ANK2: variants seen among roughly 807,000 people sequenced by gnomAD.
The protein encoded by ANK2 is ankyrin 2.
ANK2 carries 83 observed loss-of-function variants against 360.5 expected under a neutral mutation model. That is an observed-to-expected ratio of 0.23 (90% confidence interval 0.19 to 0.28). The LOEUF is 0.28. Among genes scored for constraint, ANK2 ranks in the 10% least tolerant of loss-of-function variants. ANK2 has a pLI of 1.00. For missense variants in ANK2, 4,201 were observed against 4,795.7 expected, an observed-to-expected ratio of 0.88 and a Z score of 3.66; for synonymous variants, 1,740 against 1,759.5, an observed-to-expected ratio of 0.99 and a Z score of 0.28.
intron 2 of ANK2, among the ~76,000 whole-genome samples, chr4:112,954,913 A>G (rs2154255131): frequency 1.3e-5 from 2 of 152,282 alleles, no homozygotes; most frequent in East Asian, 3.9e-4. Context: ...ACATCTATGA[A>G]TCAGTTATAG....
intron 1 of ANK2, among the ~76,000 whole-genome samples, chr4:113,135,521 C>CTGTGTGTG (rs72311638): frequency 0.016 from 2,413 of 148,098 alleles, 36 homozygotes; most frequent in East Asian, 0.039. Flanking sequence ...GTGTGTGTCT[C>CTGTGTGTG]TCTGTGTGTG....
intron 1 of ANK2, among the ~76,000 whole-genome samples, chr4:113,057,483 C>T (rs531590984): frequency 6.6e-6 from 1 of 152,268 alleles, no homozygotes; most frequent in African/African-American, 2.4e-5. Context: ...AGTGCAGAGC[C>T]ATAACCATTG....
At chr4:113,070,690 C>A (rs1425410182) in intron 1 of ANK2, among the ~76,000 whole-genome samples, 2 of 152,048 alleles carry the variant, frequency 1.3e-5, no homozygotes, top group Non-Finnish European at 2.9e-5. Flanking sequence ...TGCTTGTTCA[C>A]CCGACATTAC....
chr4:113,072,951 G>GTTTT (rs1580777093), intron 1 of ANK2, among the ~76,000 whole-genome samples: 27 of 92,612 alleles, frequency 2.9e-4, no homozygotes, highest in African/African-American at 4.1e-4. Flanking sequence ...CAAGGACAGT[G>GTTTT]TCTTTTTTTT....
At chr4:113,335,142 G>T (rs551671682) in intron 29 of ANK2, among the ~76,000 whole-genome samples, 1 of 151,084 alleles carries the variant, frequency 6.6e-6, no homozygotes, top group Non-Finnish European at 1.5e-5. Context: ...TTTTTGTATT[G>T]CCCTGAATAT....
the ANK2 span, chr4:112,788,287 G>T: frequency 6.3e-7 from 1 of 1,575,230 alleles, no homozygotes; most frequent in Admixed American, 1.7e-5. Flanking sequence ...CGACAGTGGT[G>T]CAGGTCTTCC....
At chr4:112,864,804 G>A (rs1004002860) in intron 1 of ANK2, among the ~76,000 whole-genome samples, 1 of 150,616 alleles carries the variant, frequency 6.6e-6, no homozygotes, top group Non-Finnish European at 1.5e-5. Flanking sequence ...AGGCCGAGGC[G>A]GGCGGATCAC....
chr4:112,882,713 T>TTA (rs1553965289), intron 1 of ANK2, among the ~76,000 whole-genome samples: 325 of 148,680 alleles, frequency 2.2e-3, no homozygotes, highest in African/African-American at 7.2e-3. Flanking sequence ...TTTTTTTTTT[T>TTA]AAAATGAAGC....
At chr4:112,751,608 G>T in the ANK2 span, among the ~76,000 whole-genome samples, 1 of 152,076 alleles carries the variant, frequency 6.6e-6, no homozygotes, top group Admixed American at 6.6e-5. Context: ...TAAGTAGCAG[G>T]GGGGAAGGGA....
intron 2 of ANK2, among the ~76,000 whole-genome samples, chr4:113,186,018 C>T (rs543658621): frequency 6.6e-6 from 1 of 152,304 alleles, no homozygotes; most frequent in South Asian, 2.1e-4. Context: ...CTGAAGAGAG[C>T]AGTGGATCTC....
chr4:112,763,693 G>A, the ANK2 span, among the ~76,000 whole-genome samples: 1 of 150,538 alleles, frequency 6.6e-6, no homozygotes, highest in Admixed American at 6.7e-5. Context: ...CACGGGGCCC[G>A]ACTAATTTTT....
At chr4:113,213,230 ATGTAT>A (rs1472400560) in intron 4 of ANK2, among the ~76,000 whole-genome samples, 7 of 152,208 alleles carry the variant, frequency 4.6e-5, no homozygotes, top group African/African-American at 1.4e-4. Context: ...CAAACCTAAA[ATGTAT>A]TGTGTTTACA....
intron 2 of ANK2, among the ~76,000 whole-genome samples, chr4:113,182,510 C>G (rs2098438450): frequency 6.6e-6 from 1 of 152,010 alleles, no homozygotes; most frequent in Admixed American, 6.6e-5. Flanking sequence ...TGGAGTACTA[C>G]AATATTTAGA....
chr4:112,835,893 A>G (rs1032608929), intron 1 of ANK2, among the ~76,000 whole-genome samples: 3 of 152,214 alleles, frequency 2.0e-5, no homozygotes, highest in African/African-American at 7.2e-5. Context: ...CCCCAATCTT[A>G]GTAGTAATGA....
intron 8 of ANK2, 147 bp from the exon 9 acceptor site, chr4:113,241,964 C>T: frequency 1.4e-6 from 1 of 701,988 alleles, no homozygotes; most frequent in South Asian, 1.5e-5. Flanking sequence ...ATTTTTGTTC[C>T]TTAAAAATCA....
chr4:113,273,668 G>A (rs972668178), intron 14 of ANK2, among the ~76,000 whole-genome samples: 1 of 152,118 alleles, frequency 6.6e-6, no homozygotes, highest in African/African-American at 2.4e-5. Flanking sequence ...CTTTTTACAA[G>A]AGAATGGTTT....
chr4:113,143,113 A>C (rs1393630953), intron 1 of ANK2, among the ~76,000 whole-genome samples: 2 of 152,184 alleles, frequency 1.3e-5, no homozygotes, highest in African/African-American at 2.4e-5. Context: ...CAAACATGTA[A>C]TACTAGTGTG....
intron 1 of ANK2, chr4:112,904,310 G>T: frequency 2.2e-6 from 1 of 454,746 alleles, no homozygotes. Context: ...TTGCTCTTTT[G>T]CATTTATAAT....
intron 1 of ANK2, among the ~76,000 whole-genome samples, chr4:112,883,124 C>G (rs991591763): frequency 7.0e-6 from 1 of 142,246 alleles, no homozygotes; most frequent in Admixed American, 7.6e-5. Context: ...CTGCAACCTC[C>G]GTCTCCCTGG....
Sources: allele counts gnomAD v4.1 joint callset (sites outside exome capture counted in the v4.1 genomes callset), GRCh38; gene constraint gnomAD v4.1.1; transcripts MANE v1.5; gene names NCBI Gene and HGNC (gene_info 2026-07-23, HGNC 2026-07-21).